KIF20B: variants seen among roughly 807,000 people sequenced by gnomAD.
KIF20B encodes kinesin family member 20B.
In KIF20B, 188 loss-of-function variants were observed where a neutral mutation model predicts 232.5. That is an observed-to-expected ratio of 0.81 (90% CI 0.72 to 0.91). The LOEUF (loss-of-function observed/expected upper bound fraction) is 0.91. Among genes scored for constraint, KIF20B ranks in the 40% least tolerant of loss-of-function variants. KIF20B has a pLI of 0.00. For missense variants in KIF20B, 2,154 were observed against 2,055.9 expected (o/e 1.05, Z -0.92); for synonymous variants, 712 against 683.0 (o/e 1.04, Z -0.66).
Position 89,719,499 on chromosome 10 carries a change from C to T in KIF20B, c.1515C>T (p.Asp505=), listed in dbSNP as rs1564660270. The change falls in exon 13 of 33, where the codon GAC becomes GAT. Residue 505 remains aspartate (D), a synonymous_variant. Transcript: ENST00000371728. ...PVKSSQDVSL[D]SNSNSKILNV... The stretch of plus-strand genomic sequence containing the variant: ...AATCTTCTCAAGATGTATCACTAGA[C>T]AGTAATTCAAACAGTAAAATATTAA... 1 of 1,606,776 alleles carries T rather than the reference C, an allele frequency of 6.2e-7. No homozygotes were observed.
chr10:89,731,514 T>A (rs1176990714), intron 18 of KIF20B, among the ~76,000 whole-genome samples: 1 of 152,062 alleles, frequency 6.6e-6, no homozygotes, highest in Non-Finnish European at 1.5e-5. Context: ...CCACATCTTG[T>A]CTTGAGCGCA....
chr10:89,770,193 C>T (rs1473857338), intron 31 of KIF20B, among the ~76,000 whole-genome samples: 1 of 151,916 alleles, frequency 6.6e-6, no homozygotes, highest in Non-Finnish European at 1.5e-5. Flanking sequence ...ATTGAACTAC[C>T]TTGGGCTATT....
chr10:89,718,620 G>A, intron 11 of KIF20B, 90 bp from the exon 12 acceptor site: 1 of 943,298 alleles, frequency 1.1e-6, no homozygotes, highest in South Asian at 1.5e-5. Flanking sequence ...ATGATAGGTG[G>A]CTTAATTATT....
chr10:89,717,384 A>G (rs774728750), intron 9 of KIF20B, 40 bp from the exon 10 acceptor site: 2 of 1,298,974 alleles, frequency 1.5e-6, no homozygotes, highest in South Asian at 2.6e-5. Context: ...GAATGCAGAA[A>G]TTAAAAATGA....
chr10:89,736,520 A>G (rs1229989962), intron 19 of KIF20B, among the ~76,000 whole-genome samples: 1 of 152,172 alleles, frequency 6.6e-6, no homozygotes, highest in East Asian at 1.9e-4. Context: ...TTACATGTAT[A>G]CAACATTTAT....
At chr10:89,752,418 T>G (rs1334546163) in intron 24 of KIF20B, 149 bp from the exon 25 acceptor site, 1 of 458,646 alleles carries the variant, frequency 2.2e-6, no homozygotes, top group Non-Finnish European at 3.7e-6. Flanking sequence ...CTCCTAAAAG[T>G]TAAACTATAG....
At position 89,722,173 on chromosome 10, in the gene KIF20B, G is replaced by T. The variant is rs76695680; in HGVS notation, c.1723-1791G>T. Among the ~76,000 whole-genome samples the T allele has an allele frequency of 8.7e-3, 1,318 of 152,230 alleles. 18 individuals carry two copies. The highest frequency in any genetic ancestry group is 0.029 in the African/African-American group (1,214 of 41,532). On this transcript the variant is annotated intron_variant, in intron 13 of 32. Transcript: ENST00000371728. The stretch of plus-strand genomic sequence containing the variant: ...AGGCAATCCTCCTGCCTTGCAAAGC[G>T]CTGGGATTACAGATGTGAGTCAATG...
rs1285925398 is a variant in KIF20B, at chr10:89,703,734, G to T, written c.-1-1560G>T. Among the ~76,000 whole-genome samples the T allele has an allele frequency of 2.0e-5, 3 of 149,196 alleles. No individual in the cohort carries two copies. In the East Asian group the frequency reaches 6.0e-4, roughly 30 times the overall value. ...AATGGATGCTTCAGAATTTGACTTT[G>T]GCGCCCCAGCAGGCTTTTCCCTTTT... On this transcript the variant is annotated intron_variant, in intron 1 of 32. Transcript: ENST00000371728.
chr10:89,767,771 T>C (rs1842392669), intron 29 of KIF20B, among the ~76,000 whole-genome samples: 1 of 152,078 alleles, frequency 6.6e-6, no homozygotes, highest in African/African-American at 2.4e-5. Flanking sequence ...TTTATTTTAT[T>C]TTTGATATTG....
At chr10:89,765,436 A>G (rs542906400) in intron 29 of KIF20B, among the ~76,000 whole-genome samples, 3 of 152,252 alleles carry the variant, frequency 2.0e-5, no homozygotes, top group Non-Finnish European at 2.9e-5. Flanking sequence ...GGAAGAATCA[A>G]TATCGTGAAA....
At chr10:89,767,946 T>G (rs1842396329) in intron 29 of KIF20B, among the ~76,000 whole-genome samples, 1 of 152,048 alleles carries the variant, frequency 6.6e-6, no homozygotes, top group South Asian at 2.1e-4. Context: ...GTGATATGTT[T>G]GAAAAATTCA....
rs1213559245 is a variant in KIF20B, at chr10:89,710,979, G to A, written c.509G>A (p.Gly170Asp). The change falls in exon 6 of 33, where the codon GGC (glycine) becomes GAC (aspartate). Residue 170 changes from glycine (G) to aspartate (D), a missense_variant. Coordinates refer to ENST00000371728, the MANE Select transcript of KIF20B (RefSeq NM_001284259.2). ...YTFQGTEENI[G>D]ILPRTLNVLF... ...TTTGCAGGGACAGAAGAAAATATTGGCATTCTGCCTCGAACTTTGAATGTA... is the reference window on the plus strand; with the variant it reads ...TTTGCAGGGACAGAAGAAAATATTGACATTCTGCCTCGAACTTTGAATGTA... 3 of 1,604,978 alleles carry A rather than the reference G, an allele frequency of 1.9e-6. No homozygotes were observed. Among genetic ancestry groups the A allele is most frequent in the Non-Finnish European group, 2.5e-6 (3 of 1,177,218 alleles).
chr10:89,753,853 C>T (rs1429387576), intron 25 of KIF20B, among the ~76,000 whole-genome samples: 1 of 152,094 alleles, frequency 6.6e-6, no homozygotes, highest in African/African-American at 2.4e-5. Context: ...CTCCTGACCT[C>T]GTGATCCGCC....
chr10:89,705,156 T>C, intron 1 of KIF20B, 138 bp from the exon 2 acceptor site: 2 of 689,428 alleles, frequency 2.9e-6, no homozygotes, highest in Non-Finnish European at 5.1e-6. Context: ...CATTGTGTTA[T>C]AAATGAAGCA....
Position 89,762,660 on chromosome 10 carries a change from C to G in KIF20B, c.4814C>G (p.Ser1605Cys). 6.2e-7 allele frequency: 1 copy of G among 1,613,212 alleles called. No individual in the cohort carries two copies. The highest frequency in any genetic ancestry group is 8.5e-7 in the Non-Finnish European group (1 of 1,179,416). ...KIEDGSVVLD[S>C]CEVSTENDQS... ...TAGGATGGATCTGTAGTCCTTGACT[C>G]TTGTGAAGTGTCAACAGAAAATGAT... The change falls in exon 29 of 33, where the codon TCT becomes TGT. Residue 1605 changes from serine (S) to cysteine (C), a missense_variant. Transcript: ENST00000371728.
At chr10:89,728,216 C>T (rs1213055656) in intron 17 of KIF20B, among the ~76,000 whole-genome samples, 1 of 152,130 alleles carries the variant, frequency 6.6e-6, no homozygotes, top group Non-Finnish European at 1.5e-5. Flanking sequence ...ACTGTTTATA[C>T]AATTCCTATC....
At position 89,762,716 on chromosome 10, in the gene KIF20B, G is replaced by C. The variant is rs1842269989; in HGVS notation, c.4870G>C (p.Glu1624Gln). The change falls in exon 29 of 33, where the codon GAG becomes CAG. Residue 1624 changes from glutamate (E) to glutamine (Q), a missense_variant. Coordinates refer to ENST00000371728, the MANE Select transcript of KIF20B (RefSeq NM_001284259.2). ...CACTCGATTTCCAAAACCTGAGTTA[G>C]AGATTCAATTTACACCTTTACAGCC... Reference protein sequence around the residue: ...QSTRFPKPELEIQFTPLQPNK... With the variant: ...QSTRFPKPELQIQFTPLQPNK... 1 of 1,613,592 alleles carries C rather than the reference G, an allele frequency of 6.2e-7. No individual in the cohort carries two copies. The highest frequency in any genetic ancestry group is 1.1e-5 in the South Asian group (1 of 91,070).
chr10:89,712,613 T>C (rs1842857141), intron 6 of KIF20B, among the ~76,000 whole-genome samples: 1 of 152,178 alleles, frequency 6.6e-6, no homozygotes, highest in Non-Finnish European at 1.5e-5. Context: ...CTGTTTTTTT[T>C]CCAGGCAATA....
rs1206813736 is a variant in KIF20B, at chr10:89,745,183, C to T, written c.4036-716C>T. ...CTGCTTTTTGTGGTTTGTAAGAAAA[C>T]ATTTATCTAAAATGTTGAGTAAGTA... is the stretch of plus-strand genomic sequence containing the variant. On this transcript the variant is annotated intron_variant, in intron 22 of 32. Transcript: ENST00000371728. Among the ~76,000 whole-genome samples, 3 of 152,186 alleles carry T rather than the reference C, an allele frequency of 2.0e-5. No individual in the cohort carries two copies. In the South Asian group the frequency reaches 6.2e-4, roughly 32 times the overall value.
Sources: gnomAD v4.1 joint callset for allele counts (sites outside exome capture counted in the v4.1 genomes callset) on GRCh38, gnomAD v4.1.1 for gene constraint, MANE v1.5 for transcripts, NCBI Gene and HGNC (gene_info 2026-07-23, HGNC 2026-07-21) for gene names.